The following SLC6A11 variants were observed in gnomAD, a reference collection of about 807,000 sequenced individuals.
SLC6A11 encodes the protein sodium- and chloride-dependent GABA transporter 3.
A neutral mutation model predicts 74.8 loss-of-function variants in SLC6A11; 25 were observed. The ratio of observed to expected loss-of-function variants is 0.33; its 90% CI spans 0.24 to 0.47. SLC6A11 has a LOEUF of 0.47. SLC6A11 is among the 20% of genes least tolerant of loss of function. SLC6A11 has a pLI of 1.00. For missense variants in SLC6A11, 574 were observed against 837.0 expected (o/e 0.69, Z 3.88); for synonymous variants, 330 against 330.2 (o/e 1.00, Z 0.01).
chr3:10,894,092 T>A (rs1174547651), intron 6 of SLC6A11, among the ~76,000 whole-genome samples: 2 of 152,142 alleles, frequency 1.3e-5, no homozygotes, highest in African/African-American at 4.8e-5. Flanking sequence ...CTCCCATTAG[T>A]CCACCAGGTT....
At chr3:10,827,868 C>T (rs1435702344) in intron 4 of SLC6A11, among the ~76,000 whole-genome samples, 1 of 152,102 alleles carries the variant, frequency 6.6e-6, no homozygotes, top group Non-Finnish European at 1.5e-5. Context: ...GTGTCAATTC[C>T]CTTTTCAGAT....
intron 4 of SLC6A11, among the ~76,000 whole-genome samples, chr3:10,829,422 A>G (rs1210897334): frequency 1.3e-5 from 2 of 152,196 alleles, no homozygotes; most frequent in Non-Finnish European, 2.9e-5. Flanking sequence ...AGTAGCCTTC[A>G]TGCCTCCTGA....
At position 10,918,589 on chromosome 3, in the gene SLC6A11, C is replaced by A; in HGVS notation, c.1120+136C>A. 2 of 929,790 alleles carry A rather than the reference C, an allele frequency of 2.2e-6. No individual in the cohort carries two copies. The highest frequency in any genetic ancestry group is 3.1e-6 in the Non-Finnish European group (2 of 649,718). The allele number at this position is 929,790 out of a possible 1,614,324, so 57.6% of individuals were successfully genotyped here. On this transcript the variant is annotated intron_variant, in intron 8 of 13. Transcript: ENST00000254488. The surrounding 1 kb of genome is among the most constrained non-coding windows in gnomAD (Gnocchi z 4.5). ...CTCAGAAAGGGGCCCCACCATTCATCCACAATCCAGGATCCTGGGAATTAC... is the reference window on the plus strand; with the variant it reads ...CTCAGAAAGGGGCCCCACCATTCATACACAATCCAGGATCCTGGGAATTAC...
At chr3:10,873,399 GCTATCCTATC>G (rs1376789414) in intron 5 of SLC6A11, among the ~76,000 whole-genome samples, 51 of 90,458 alleles carry the variant, frequency 5.6e-4, no homozygotes, top group Middle Eastern at 6.8e-3. Context: ...CCTATCCTAT[GCTATCCTATC>G]CTATCCTATC....
intron 8 of SLC6A11, among the ~76,000 whole-genome samples, chr3:10,923,143 A>T (rs1165778822): frequency 2.0e-5 from 3 of 152,066 alleles, no homozygotes; most frequent in African/African-American, 7.2e-5. Flanking sequence ...ATAAATATAC[A>T]TATATTTCCT....
chr3:10,871,860 G>T (rs768655067), intron 5 of SLC6A11, among the ~76,000 whole-genome samples: 7 of 152,214 alleles, frequency 4.6e-5, no homozygotes, highest in Non-Finnish European at 8.8e-5. Context: ...AATTGGTGGT[G>T]CAGGGGCCAT....
intron 5 of SLC6A11, among the ~76,000 whole-genome samples, chr3:10,857,129 T>C (rs929369882): frequency 2.6e-5 from 4 of 152,182 alleles, no homozygotes; most frequent in African/African-American, 9.7e-5. Flanking sequence ...TGTTGTCAAA[T>C]CCTGGCACAG....
At chr3:10,920,231 A>G (rs922837739) in intron 8 of SLC6A11, among the ~76,000 whole-genome samples, 1 of 152,200 alleles carries the variant, frequency 6.6e-6, no homozygotes, top group African/African-American at 2.4e-5. Flanking sequence ...AAATCCAACT[A>G]AAATTAAATT....
intron 5 of SLC6A11, among the ~76,000 whole-genome samples, chr3:10,854,841 A>G (rs554515221): frequency 1.2e-4 from 18 of 152,052 alleles, no homozygotes; most frequent in Non-Finnish European, 4.4e-5. Context: ...GTTTATACAC[A>G]TGTTTGTCCC....
At chr3:10,842,809 GGCT>G (rs1694454958) in intron 4 of SLC6A11, among the ~76,000 whole-genome samples, 1 of 152,138 alleles carries the variant, frequency 6.6e-6, no homozygotes, top group South Asian at 2.1e-4. Context: ...GTAAATCTAT[GGCT>G]GCACACAGTC....
At chr3:10,892,516 G>A (rs929869187) in intron 6 of SLC6A11, among the ~76,000 whole-genome samples, 2 of 151,192 alleles carry the variant, frequency 1.3e-5, no homozygotes, top group Non-Finnish European at 2.9e-5. Context: ...ACCTCCTTGT[G>A]CCAGAGTTCC....
At chr3:10,906,617 G>A (rs888643329) in intron 6 of SLC6A11, among the ~76,000 whole-genome samples, 1 of 152,196 alleles carries the variant, frequency 6.6e-6, no homozygotes, top group Admixed American at 6.5e-5. Flanking sequence ...CTAGGTAAGT[G>A]GGGGAGGACT....
chr3:10,919,331 A>G (rs1559583196), intron 8 of SLC6A11, among the ~76,000 whole-genome samples: 2 of 152,228 alleles, frequency 1.3e-5, no homozygotes, highest in African/African-American at 4.8e-5. Context: ...CTAACCTCAG[A>G]TAAGTATAAA....
At chr3:10,909,348 T>C (rs1407648238) in intron 6 of SLC6A11, among the ~76,000 whole-genome samples, 2 of 152,126 alleles carry the variant, frequency 1.3e-5, no homozygotes, top group African/African-American at 4.8e-5. Context: ...CATTTCAGCG[T>C]TGATGTGCCC....
rs564716827 is a variant in SLC6A11 at position 10,899,386 on chromosome 3, A to G, written c.892-12704A>G. On this transcript the variant is annotated intron_variant, in intron 6 of 13. Transcript: ENST00000254488. ...AAATTTGAATGTGTTCCCATTCACT[A>G]TCAGAATTCTGTTTCATATGGAATT... Among the ~76,000 whole-genome samples the G allele has an allele frequency of 6.6e-5, 10 of 152,308 alleles. No individual in the cohort carries two copies. In the East Asian group the frequency reaches 1.7e-3, roughly 26 times the overall value.
At chr3:10,822,088 C>G (rs1694145811) in intron 3 of SLC6A11, among the ~76,000 whole-genome samples, 1 of 152,224 alleles carries the variant, frequency 6.6e-6, no homozygotes, top group African/African-American at 2.4e-5. Context: ...TTTGCAATCC[C>G]CTTTCTCTAA....
chr3:10,913,591 C>T (rs1363560658), intron 7 of SLC6A11, among the ~76,000 whole-genome samples: 1 of 152,216 alleles, frequency 6.6e-6, no homozygotes, highest in African/African-American at 2.4e-5. Flanking sequence ...AGCATCCCAA[C>T]AACGTATGAT....
At chr3:10,870,784 C>G (rs898564899) in intron 5 of SLC6A11, among the ~76,000 whole-genome samples, 1 of 152,292 alleles carries the variant, frequency 6.6e-6, no homozygotes, top group Non-Finnish European at 1.5e-5. Flanking sequence ...TCTAAGCCAC[C>G]TTTTGTACCC....
intron 7 of SLC6A11, among the ~76,000 whole-genome samples, chr3:10,912,736 G>T (rs1227557085): frequency 1.3e-5 from 2 of 152,182 alleles, no homozygotes; most frequent in Admixed American, 6.5e-5. Context: ...TGGCTGCCTG[G>T]CCTCTCACAC....
Sources: gnomAD v4.1 joint callset for allele counts (sites outside exome capture counted in the v4.1 genomes callset) on GRCh38, gnomAD v4.1.1 for gene constraint, Gnocchi (gnomAD v3.1) non-coding constraint, MANE v1.5 for transcripts, NCBI Gene and HGNC (gene_info 2026-07-23, HGNC 2026-07-21) for gene names.